Variants in RORA observed in about 807,000 individuals in gnomAD.
The protein encoded by RORA is RAR related orphan receptor A.
In RORA, 7 loss-of-function variants were observed where a neutral mutation model predicts 69.5. The ratio of observed to expected loss-of-function variants is 0.10; its 90% confidence interval spans 0.06 to 0.19. The LOEUF (loss-of-function observed/expected upper bound fraction) is 0.19. RORA is among the 10% of genes least tolerant of loss of function. The probability of loss-of-function intolerance (pLI) is 1.00; values close to 1 mark genes in which losing one functional copy is unlikely to be tolerated. For synonymous variants in RORA, 261 were observed against 240.8 expected (o/e 1.08, Z -0.78); for missense variants, 457 against 663.0 (o/e 0.69, Z 3.41).
intron 1 of RORA, among the ~76,000 whole-genome samples, chr15:61,001,364 T>C (rs1015264373): frequency 1.3e-5 from 2 of 152,248 alleles, no homozygotes; most frequent in African/African-American, 4.8e-5. Context: ...GCTTCCTGGC[T>C]GAGTAAGGTA....
intron 1 of RORA, among the ~76,000 whole-genome samples, chr15:60,805,265 TA>T (rs1402761612): frequency 6.6e-6 from 1 of 152,026 alleles, no homozygotes; most frequent in Non-Finnish European, 1.5e-5. Context: ...ACAGCCCAAA[TA>T]AAACCATGTC....
intron 2 of RORA, among the ~76,000 whole-genome samples, chr15:60,539,012 C>T (rs2066772278): frequency 1.3e-5 from 2 of 151,962 alleles, no homozygotes; most frequent in Non-Finnish European, 2.9e-5. Flanking sequence ...CACACACACA[C>T]ACACACACAC....
chr15:61,198,085 G>A (rs1427010480), intron 1 of RORA, among the ~76,000 whole-genome samples: 2 of 152,210 alleles, frequency 1.3e-5, no homozygotes, highest in Admixed American at 6.5e-5. Context: ...CAAGTGAGAC[G>A]CTCATCTCAG....
At chr15:60,657,343 C>A (rs1005166529) in intron 2 of RORA, among the ~76,000 whole-genome samples, 4 of 152,166 alleles carry the variant, frequency 2.6e-5, no homozygotes, top group Non-Finnish European at 4.4e-5. Flanking sequence ...CCTGCCCCAC[C>A]CCCTGGGGAA....
chr15:60,635,876 C>G (rs539899375), intron 2 of RORA, among the ~76,000 whole-genome samples: 2 of 152,150 alleles, frequency 1.3e-5, no homozygotes, highest in African/African-American at 4.8e-5. Flanking sequence ...CATCTCCTAT[C>G]CTCTGCCCAA....
chr15:60,557,143 T>G (rs1181123278), intron 2 of RORA, among the ~76,000 whole-genome samples: 1 of 152,244 alleles, frequency 6.6e-6, no homozygotes, highest in Admixed American at 6.5e-5. Context: ...TACTACTATT[T>G]GCTGGCAGGA....
chr15:60,773,468 A>G (rs113448304), intron 1 of RORA, among the ~76,000 whole-genome samples: 86 of 152,178 alleles, frequency 5.7e-4, no homozygotes, highest in Non-Finnish European at 2.1e-4. Flanking sequence ...CAGCTGAGTT[A>G]TGAACTTCAA....
intron 1 of RORA, among the ~76,000 whole-genome samples, chr15:60,917,490 T>C (rs1433019271): frequency 6.6e-6 from 1 of 152,212 alleles, no homozygotes; most frequent in Admixed American, 6.5e-5. Flanking sequence ...TCTACGAGCC[T>C]AGCCTAGACA....
intron 1 of RORA, among the ~76,000 whole-genome samples, chr15:60,699,640 G>C (rs1166183586): frequency 6.6e-6 from 1 of 152,188 alleles, no homozygotes; most frequent in Non-Finnish European, 1.5e-5. Flanking sequence ...ACCTGGGCAA[G>C]TTTCCTGACT....
At chr15:60,579,851 C>T (rs1011816095) in intron 2 of RORA, among the ~76,000 whole-genome samples, 1 of 152,174 alleles carries the variant, frequency 6.6e-6, no homozygotes, top group African/African-American at 2.4e-5. Flanking sequence ...TGCTTTCTAA[C>T]TTCTGTTTAC....
rs560266858 is a variant in RORA at position 60,785,841 on chromosome 15, CTGT to C, written c.167-107158_167-107156del. ...GACAAATCCTTCATTGCGTTTGTCA[CTGT>C]TGTTGTTTTACATTGATTTGGTGGC... On this transcript the variant is annotated intron_variant, in intron 1 of 10. Coordinates refer to ENST00000335670, the MANE Select transcript of RORA (RefSeq NM_134261.3). 2.0e-3 allele frequency among the ~76,000 whole-genome samples: 302 copies of C among 152,344 alleles called. 2 individuals are homozygous for C. The highest frequency in any genetic ancestry group is 0.011 in the South Asian group (54 of 4,824).
At chr15:60,976,150 G>C (rs947728163) in intron 1 of RORA, among the ~76,000 whole-genome samples, 1 of 152,186 alleles carries the variant, frequency 6.6e-6, no homozygotes, top group African/African-American at 2.4e-5. Context: ...TTGCTGAGCC[G>C]TGGCTCGGAG....
chr15:60,565,469 T>A (rs888323229), intron 2 of RORA, among the ~76,000 whole-genome samples: 13 of 152,218 alleles, frequency 8.5e-5, no homozygotes, highest in African/African-American at 3.1e-4. Context: ...TCCAATATCG[T>A]CCCATCTATA....
At chr15:60,755,484 C>T (rs1447345904) in intron 1 of RORA, among the ~76,000 whole-genome samples, 3 of 152,026 alleles carry the variant, frequency 2.0e-5, no homozygotes, top group Non-Finnish European at 4.4e-5. Flanking sequence ...ATTTATAATC[C>T]TTTGGGTATA....
chr15:60,601,894 G>A (rs1182264267), intron 2 of RORA, among the ~76,000 whole-genome samples: 1 of 152,144 alleles, frequency 6.6e-6, no homozygotes, highest in African/African-American at 2.4e-5. Context: ...CACATCTTAA[G>A]TAAAATATTA....
chr15:61,008,125 T>C (rs1054251656), intron 1 of RORA, among the ~76,000 whole-genome samples: 3 of 151,606 alleles, frequency 2.0e-5, no homozygotes, highest in Non-Finnish European at 2.9e-5. Flanking sequence ...CTATTTAAAC[T>C]TATGATAAAA....
intron 1 of RORA, among the ~76,000 whole-genome samples, chr15:61,007,516 G>A (rs1420841186): frequency 3.3e-5 from 5 of 151,816 alleles, no homozygotes; most frequent in Admixed American, 2.6e-4. Context: ...ATACGTTTGT[G>A]TTGTTTTGAT....
At chr15:61,164,777 A>C (rs2079526770) in intron 1 of RORA, among the ~76,000 whole-genome samples, 1 of 152,218 alleles carries the variant, frequency 6.6e-6, no homozygotes, top group Non-Finnish European at 1.5e-5. Flanking sequence ...AGAGATCTGG[A>C]AGCTGAAAGA....
intron 1 of RORA, among the ~76,000 whole-genome samples, chr15:60,802,483 C>G (rs2072598828): frequency 1.3e-5 from 2 of 152,188 alleles, no homozygotes; most frequent in African/African-American, 4.8e-5. Flanking sequence ...TCTCTCTTCC[C>G]CTGCAGAAGC....
Sources: allele counts gnomAD v4.1 joint callset (sites outside exome capture counted in the v4.1 genomes callset), GRCh38; gene constraint gnomAD v4.1.1; transcripts MANE v1.5; gene names NCBI Gene and HGNC (gene_info 2026-07-23, HGNC 2026-07-21).